CYP4F3: variants seen among roughly 807,000 people sequenced by gnomAD.
The protein encoded by CYP4F3 is cytochrome P450 family 4 subfamily F member 3, also known as cytochrome P450 4F3.
CYP4F3 carries 50 observed loss-of-function variants against 54.8 expected under a neutral mutation model. The observed-to-expected ratio is 0.91, with a 90% confidence interval of 0.73 to 1.16. The LOEUF (loss-of-function observed/expected upper bound fraction) is 1.16. CYP4F3 is among the 50% of genes most tolerant of loss of function. CYP4F3 has a pLI of 0.00. For missense variants in CYP4F3, 715 were observed against 676.2 expected (o/e 1.06, Z -0.64); for synonymous variants, 244 against 262.6 (o/e 0.93, Z 0.69).
chr19:15,649,315 CG>C (rs1568396180), intron 6 of CYP4F3, 34 bp downstream of exon 6: 1 of 1,611,042 alleles, frequency 6.2e-7, no homozygotes, highest in Non-Finnish European at 8.5e-7. Context: ...GATCCTGGGC[CG>C]TGGACACAAA....
In CYP4F3 at chr19:15,641,465, C is replaced by A. The variant is rs762727279; in HGVS notation, c.50C>A (p.Ser17Tyr). Residue 17 changes from serine to tyrosine, a missense_variant, in exon 2 of 13, where the codon TCC becomes TAC. Physicochemically the swap from Ser to Tyr is moderately radical, Grantham distance 144. Coordinates refer to ENST00000221307, the MANE Select transcript of CYP4F3 (RefSeq NM_000896.3). ...SSLGLWPMAA[S>Y]PWLLLLLVGA... Reference sequence around the variant, plus strand: ...CTGGGCCTTTGGCCAATGGCAGCATCCCCGTGGCTGCTCCTGCTGCTGGTT... The same window carrying A: ...CTGGGCCTTTGGCCAATGGCAGCATACCCGTGGCTGCTCCTGCTGCTGGTT... 3 of 1,614,102 alleles carry A rather than the reference C, an allele frequency of 1.9e-6. No homozygotes were observed. Among genetic ancestry groups the A allele is most frequent in the East Asian group, 2.2e-5 (1 of 44,878 alleles).
intron 6 of CYP4F3, 117 bp from the exon 7 acceptor site, chr19:15,649,796 T>A: frequency 5.0e-6 from 7 of 1,409,748 alleles, no homozygotes; most frequent in Admixed American, 2.1e-5. Flanking sequence ...TGAGGGGCCA[T>A]CTGTTCCTGG....
Position 15,659,502 on chromosome 19 carries a change from T to A in CYP4F3, c.*117T>A, listed in dbSNP as rs995075898. The stretch of plus-strand genomic sequence containing the variant: ...CCTGTATTCCATCCTAGATATCTAC[T>A]CAAAATAATTGAGACAAGTGTTCAA... On this transcript the variant is annotated 3_prime_UTR_variant, in exon 13 of 13. Coordinates refer to ENST00000221307, the MANE Select transcript of CYP4F3 (RefSeq NM_000896.3). 3.2e-5 allele frequency: 37 copies of A among 1,145,410 alleles called. No homozygotes were observed. In the African/African-American group the frequency reaches 4.7e-4, roughly 15 times the overall value. 71.0% of individuals were successfully genotyped at this position (1,145,410 alleles called of 1,614,324 possible). A position where few individuals can be genotyped will look rare whatever the true frequency, so the allele number is the denominator to read the frequency against.
rs1180986235 is a variant in CYP4F3, at chr19:15,645,759, T to C, written c.239T>C (p.Leu80Pro). ...GAAGGTCTCCTATACACACAAAGCCTGGCATGCACCTTCGGTGATATGTGC... is the reference window on the plus strand; with the variant it reads ...GAAGGTCTCCTATACACACAAAGCCCGGCATGCACCTTCGGTGATATGTGC... Reference protein sequence around the residue: ...SEEGLLYTQSLACTFGDMCCW... With the variant: ...SEEGLLYTQSPACTFGDMCCW... The change falls in exon 3 of 13, where the codon CTG becomes CCG. Residue 80 changes from leucine (L) to proline (P), a missense_variant. Leu to Pro is a moderately conservative substitution (Grantham distance 98, BLOSUM62 -3). Coordinates refer to ENST00000221307, the MANE Select transcript of CYP4F3 (RefSeq NM_000896.3). 1.9e-6 allele frequency: 3 copies of C among 1,614,022 alleles called. No individual in the cohort carries two copies. The highest frequency in any genetic ancestry group is 2.5e-6 in the Non-Finnish European group (3 of 1,179,904).
rs1972459866 is a variant in CYP4F3 at position 15,641,446 on chromosome 19, C to A, written c.31C>A (p.Leu11Ile). Residue 11 changes from leucine (L) to isoleucine (I), a missense_variant, in exon 2 of 13, where the codon CTT becomes ATT. By Grantham distance (5) the Leu-to-Ile change is conservative (BLOSUM62 2). Coordinates refer to ENST00000221307, the MANE Select transcript of CYP4F3 (RefSeq NM_000896.3). ...ACAGCTGAGCCTGTCCTCGCTGGGC[C>A]TTTGGCCAATGGCAGCATCCCCGTG... MPQLSLSSLG[L>I]WPMAASPWLL... 1.9e-6 allele frequency: 3 copies of A among 1,614,212 alleles called. No homozygotes were observed. In the East Asian group the frequency reaches 6.7e-5, roughly 36 times the overall value.
At chr19:15,645,055 C>T (rs1972582445) in intron 2 of CYP4F3, among the ~76,000 whole-genome samples, 2 of 152,190 alleles carry the variant, frequency 1.3e-5, no homozygotes, top group African/African-American at 4.8e-5. Flanking sequence ...CTTTAGCTTT[C>T]TCCACGCCAC....
chr19:15,651,827 A>G (rs952836408), intron 7 of CYP4F3, among the ~76,000 whole-genome samples: 2 of 152,072 alleles, frequency 1.3e-5, no homozygotes, highest in Non-Finnish European at 2.9e-5. Context: ...CTGTGTGTCT[A>G]TGTCTTTGTC....
At chr19:15,651,447 A>G (rs1972853440) in intron 7 of CYP4F3, among the ~76,000 whole-genome samples, 1 of 136,446 alleles carries the variant, frequency 7.3e-6, no homozygotes, top group Admixed American at 7.3e-5. Context: ...GGCTTACTGC[A>G]ACCTCCGCCT....
rs758170704 is a variant in CYP4F3, at chr19:15,658,558, G to C, written c.1314+3G>C. ...CAGCCGTGTGGCCGGACCCTGAGGTGCGGGCCCCCCGTCTCTGTTTTTGTC... is the reference window on the plus strand; with the variant it reads ...CAGCCGTGTGGCCGGACCCTGAGGTCCGGGCCCCCCGTCTCTGTTTTTGTC... On this transcript the variant is annotated splice_donor_region_variant and intron_variant, in intron 11 of 12. Coordinates refer to ENST00000221307, the MANE Select transcript of CYP4F3 (RefSeq NM_000896.3). The C allele has an allele frequency of 6.2e-7, 1 of 1,614,134 alleles. No homozygotes were observed. Among genetic ancestry groups the C allele is most frequent in the South Asian group, 1.1e-5 (1 of 91,082 alleles).
intron 2 of CYP4F3, 130 bp from the exon 3 acceptor site, chr19:15,645,589 G>T (rs1257897884): frequency 4.9e-6 from 6 of 1,235,574 alleles, no homozygotes; most frequent in Non-Finnish European, 6.7e-6. Flanking sequence ...CCCAGTGGGG[G>T]CTCAGCACTG....
In CYP4F3 at chr19:15,659,652, T is replaced by G; in HGVS notation, c.*267T>G. 3.8e-6 allele frequency: 2 copies of G among 532,992 alleles called. No individual in the cohort carries two copies. The highest frequency in any genetic ancestry group is 2.6e-5 in the South Asian group (1 of 38,914). 33.0% of individuals were successfully genotyped at this position (532,992 alleles called of 1,614,324 possible). A position where few individuals can be genotyped will look rare whatever the true frequency, so the allele number is the denominator to read the frequency against. ...AACAAAATATGGTCCATCCATACAA[T>G]GGAGTATTACACAGCCATAAAAAGG... On this transcript the variant is annotated 3_prime_UTR_variant, in exon 13 of 13. Coordinates refer to ENST00000221307, the MANE Select transcript of CYP4F3 (RefSeq NM_000896.3).
At chr19:15,641,084 T>C (rs1224906031) in intron 1 of CYP4F3, 139 bp downstream of exon 1, 1 of 295,026 alleles carries the variant, frequency 3.4e-6, no homozygotes, top group Non-Finnish European at 6.5e-6. Context: ...AGGCAGCTCC[T>C]GGTTGCTGGC....
Position 15,647,270 on chromosome 19 carries a change from C to G in CYP4F3, c.471C>G (p.Phe157Leu), listed in dbSNP as rs377659581. ...GGATGCTGACGCCTGCCTTCCATTT[C>G]AACATCCTGAAGCCCTATATGAAGA... ...HRRMLTPAFHFNILKPYMKIF... is the reference protein window; with the variant it reads ...HRRMLTPAFHLNILKPYMKIF... The change falls in exon 5 of 13, where the codon TTC becomes TTG. Residue 157 changes from phenylalanine to leucine, a missense_variant. Physicochemically the swap from Phe to Leu is conservative, Grantham distance 22. Coordinates refer to ENST00000221307, the MANE Select transcript of CYP4F3 (RefSeq NM_000896.3). 3.1e-6 allele frequency: 5 copies of G among 1,614,218 alleles called. No homozygotes were observed. The African/African-American group carries it at 6.7e-5, about 22-fold the overall frequency.
chr19:15,641,146 A>G, intron 1 of CYP4F3: 2 of 454,288 alleles, frequency 4.4e-6, no homozygotes, highest in Non-Finnish European at 7.9e-6. Context: ...CAACGTCCTA[A>G]TGATTCAGGC....
At chr19:15,658,035 T>A (rs1973073339) in intron 9 of CYP4F3, 1 of 870,138 alleles carries the variant, frequency 1.1e-6, no homozygotes, top group Non-Finnish European at 1.4e-6. Flanking sequence ...AAATGTGAAG[T>A]TTTCTCTTAT....
intron 9 of CYP4F3, among the ~76,000 whole-genome samples, chr19:15,655,763 G>A (rs1367752719): frequency 3.3e-5 from 5 of 152,164 alleles, no homozygotes; most frequent in Non-Finnish European, 7.4e-5. Flanking sequence ...TTTGGAAAAT[G>A]AGTTTGTTTT....
Position 15,658,254 on chromosome 19 carries a change from G to GT in CYP4F3, c.1116-7dup. 3 of 1,613,814 alleles carry GT rather than the reference G, an allele frequency of 1.9e-6. No individual in the cohort carries two copies. The highest frequency in any genetic ancestry group is 2.5e-6 in the Non-Finnish European group (3 of 1,179,876). On this transcript the variant is annotated splice_polypyrimidine_tract_variant and intron_variant, in intron 9 of 12. Transcript: ENST00000221307. The stretch of plus-strand genomic sequence containing the variant: ...CCTTGATAAGGATTGGGGCTGGGGT[G>GT]TTTCCTTAGGGACGACCTGGCCCAG...
In CYP4F3 at chr19:15,651,894, T is replaced by C. The variant is rs1972867329; in HGVS notation, c.919-675T>C. On this transcript the variant is annotated intron_variant, in intron 7 of 12. Transcript: ENST00000221307. Reference sequence around the variant, plus strand: ...AATCTCTGGATCAGAGCAGCTCATGTCTTGCTTACGGCAATACTATCAGCC... The same window carrying C: ...AATCTCTGGATCAGAGCAGCTCATGCCTTGCTTACGGCAATACTATCAGCC... Among the ~76,000 whole-genome samples, 3 of 152,204 alleles carry C rather than the reference T, an allele frequency of 2.0e-5. No homozygotes were observed. The South Asian group carries it at 6.2e-4, about 32-fold the overall frequency.
In CYP4F3 at chr19:15,659,234, A is replaced by G. The variant is rs770847640; in HGVS notation, c.1412A>G (p.Gln471Arg). The G allele has an allele frequency of 3.7e-6, 6 of 1,609,498 alleles. No individual in the cohort carries two copies. Among genetic ancestry groups the G allele is most frequent in the Non-Finnish European group, 4.2e-6 (5 of 1,178,600 alleles). ...CCCTCCCCAAGGAACTGCATCGGGC[A>G]GGCGTTCGCGATGGCGGAGATGAAG... ...FSAGPRNCIG[Q>R]AFAMAEMKVV... Residue 471 changes from glutamine to arginine, a missense_variant, in exon 13 of 13, where the codon CAG (glutamine) becomes CGG (arginine). By Grantham distance (43) the Gln-to-Arg change is conservative. Transcript: ENST00000221307.
Sources: gnomAD v4.1 joint callset for allele counts (sites outside exome capture counted in the v4.1 genomes callset) on GRCh38, gnomAD v4.1.1 for gene constraint, MANE v1.5 for transcripts, NCBI Gene and HGNC (gene_info 2026-07-23, HGNC 2026-07-21) for gene names.